Variants in SPIDR observed in about 807,000 individuals in gnomAD.
The protein encoded by SPIDR is DNA repair-scaffolding protein.
A neutral mutation model predicts 104.6 loss-of-function variants in SPIDR; 93 were observed. That is an observed-to-expected ratio of 0.89 (90% CI 0.75 to 1.06). The LOEUF is 1.06. Among genes scored for constraint, SPIDR ranks in the 50% least tolerant of loss-of-function variants. The pLI, the probability that SPIDR is intolerant of heterozygous loss-of-function variation, is 0.00. For synonymous variants in SPIDR, 431 were observed against 416.9 expected (o/e 1.03, Z -0.41); for missense variants, 1,154 against 1,111.2 (o/e 1.04, Z -0.55).
chr8:47,277,669 C>CTTTTTTTTT (rs1209041690), intron 1 of SPIDR, among the ~76,000 whole-genome samples: 1 of 110,506 alleles, frequency 9.0e-6, no homozygotes, highest in Non-Finnish European at 1.9e-5. Flanking sequence ...TGTTTAACCT[C>CTTTTTTTTT]TTTTTTTTTT....
At chr8:47,601,339 C>CA (rs1417716842) in intron 10 of SPIDR, among the ~76,000 whole-genome samples, 1 of 152,014 alleles carries the variant, frequency 6.6e-6, no homozygotes, top group Non-Finnish European at 1.5e-5. Context: ...CAGGTAGACA[C>CA]AAAGAAAAAT....
At chr8:47,474,689 T>G (rs1371835443) in intron 8 of SPIDR, among the ~76,000 whole-genome samples, 1 of 152,364 alleles carries the variant, frequency 6.6e-6, no homozygotes, top group East Asian at 1.9e-4. Context: ...ATAAAACACC[T>G]GTTTGATTTA....
At chr8:47,588,487 C>G (rs1476432889) in intron 8 of SPIDR, among the ~76,000 whole-genome samples, 1 of 152,028 alleles carries the variant, frequency 6.6e-6, no homozygotes, top group Non-Finnish European at 1.5e-5. Flanking sequence ...CTTGCCATTT[C>G]CTGTGTAAGC....
chr8:47,554,478 C>T (rs560110829), intron 8 of SPIDR, among the ~76,000 whole-genome samples: 3 of 152,202 alleles, frequency 2.0e-5, no homozygotes, highest in Admixed American at 6.5e-5. Flanking sequence ...GCCTCGCTGT[C>T]GCCTTGCAGT....
intron 19 of SPIDR, among the ~76,000 whole-genome samples, chr8:47,735,077 AAAAT>A (rs776376816): frequency 2.0e-5 from 3 of 150,982 alleles, no homozygotes; most frequent in African/African-American, 4.9e-5. Flanking sequence ...TTCACTTGCT[AAAAT>A]AAATGGGTGT....
intron 5 of SPIDR, among the ~76,000 whole-genome samples, chr8:47,327,557 C>G (rs1306765115): frequency 1.3e-5 from 2 of 151,946 alleles, no homozygotes; most frequent in African/African-American, 4.8e-5. Context: ...CGCACCAGCA[C>G]ACTTGGCTAA....
chr8:47,269,923 G>T (rs2034941199), intron 1 of SPIDR, among the ~76,000 whole-genome samples: 1 of 151,948 alleles, frequency 6.6e-6, no homozygotes, highest in African/African-American at 2.4e-5. Flanking sequence ...CAATACTGTG[G>T]TTTTTATCCT....
intron 8 of SPIDR, among the ~76,000 whole-genome samples, chr8:47,576,299 A>G (rs904566867): frequency 2.6e-5 from 4 of 152,142 alleles, no homozygotes; most frequent in African/African-American, 9.7e-5. Flanking sequence ...TTACAGGCAC[A>G]TGCCACCACA....
intron 8 of SPIDR, among the ~76,000 whole-genome samples, chr8:47,563,342 CT>C (rs555915807): frequency 8.8e-5 from 13 of 148,174 alleles, no homozygotes; most frequent in Middle Eastern, 3.4e-3. Flanking sequence ...ACTCATTTTT[CT>C]TTTTTTTTTA....
chr8:47,452,118 G>C (rs1461717538), intron 8 of SPIDR, among the ~76,000 whole-genome samples: 2 of 152,168 alleles, frequency 1.3e-5, no homozygotes, highest in African/African-American at 2.4e-5. Flanking sequence ...AAGGCACATA[G>C]TAGTGAAGTT....
intron 8 of SPIDR, among the ~76,000 whole-genome samples, chr8:47,577,793 T>G (rs936381275): frequency 6.6e-6 from 1 of 152,158 alleles, no homozygotes; most frequent in Non-Finnish European, 1.5e-5. Flanking sequence ...ACCTTGGAAC[T>G]TGTTAAAAAT....
At chr8:47,265,116 A>G (rs1188002953) in intron 1 of SPIDR, among the ~76,000 whole-genome samples, 1 of 150,960 alleles carries the variant, frequency 6.6e-6, no homozygotes, top group Non-Finnish European at 1.5e-5. Flanking sequence ...AGGCCTTGAT[A>G]GTCTCATTGA....
chr8:47,304,513 T>C (rs372037537), intron 5 of SPIDR, among the ~76,000 whole-genome samples: 19 of 152,192 alleles, frequency 1.2e-4, no homozygotes, highest in African/African-American at 4.3e-4. Flanking sequence ...TTAAAAAAAA[T>C]TAAAATAAAT....
At chr8:47,606,920 C>T (rs908928919) in intron 10 of SPIDR, among the ~76,000 whole-genome samples, 68 of 152,184 alleles carry the variant, frequency 4.5e-4, no homozygotes, top group African/African-American at 1.6e-3. Flanking sequence ...GTGGCATATG[C>T]CTGTCTACAG....
chr8:47,588,245 T>G (rs2060542085), intron 8 of SPIDR, among the ~76,000 whole-genome samples: 2 of 150,436 alleles, frequency 1.3e-5, no homozygotes, highest in African/African-American at 4.9e-5. Context: ...TTGATTTATT[T>G]TATCAGTGTT....
At chr8:47,571,856 G>A (rs1408657899) in intron 8 of SPIDR, among the ~76,000 whole-genome samples, 2 of 152,148 alleles carry the variant, frequency 1.3e-5, no homozygotes, top group African/African-American at 2.4e-5. Flanking sequence ...ATATCTTATT[G>A]TACTGTGCTC....
chr8:47,488,712 A>C (rs1212925568), intron 8 of SPIDR, among the ~76,000 whole-genome samples: 2 of 152,220 alleles, frequency 1.3e-5, no homozygotes, highest in Non-Finnish European at 2.9e-5. Flanking sequence ...CAAATCAATA[A>C]ATGTAATCCA....
intron 10 of SPIDR, among the ~76,000 whole-genome samples, chr8:47,645,881 C>T (rs1025621910): frequency 6.6e-6 from 1 of 152,092 alleles, no homozygotes; most frequent in Admixed American, 6.5e-5. Context: ...AAACTGAAAT[C>T]GTAAAAGTTC....
At chr8:47,680,970 A>G (rs28624297) in intron 11 of SPIDR, among the ~76,000 whole-genome samples, 58 of 152,354 alleles carry the variant, frequency 3.8e-4, no homozygotes, top group Admixed American at 1.1e-3. Flanking sequence ...AGGCAGAGGT[A>G]GGCGAATCAC....
Sources: gnomAD v4.1 joint callset for allele counts (sites outside exome capture counted in the v4.1 genomes callset) on GRCh38, gnomAD v4.1.1 for gene constraint, MANE v1.5 for transcripts, NCBI Gene and HGNC (gene_info 2026-07-23, HGNC 2026-07-21) for gene names.